ZBTB16: variants seen among roughly 807,000 people sequenced by gnomAD.
ZBTB16 encodes the protein zinc finger and BTB domain containing 16, also known as zinc finger and BTB domain-containing protein 16.
A neutral mutation model predicts 56.8 loss-of-function variants in ZBTB16; 8 were observed. The ratio of observed to expected loss-of-function variants is 0.14; its 90% CI spans 0.08 to 0.25. The LOEUF (loss-of-function observed/expected upper bound fraction) is 0.25, where lower values mean the gene tolerates loss of function less well. Ranked by LOEUF, ZBTB16 falls within the 10% of genes least tolerant of loss-of-function variation. The pLI, the probability that ZBTB16 is intolerant of heterozygous loss-of-function variation, is 1.00. For missense variants in ZBTB16, 625 were observed against 903.0 expected (o/e 0.69, Z 3.95); for synonymous variants, 363 against 368.5 (o/e 0.98, Z 0.17).
At chr11:114,173,415 G>A (rs988071590) in intron 3 of ZBTB16, among the ~76,000 whole-genome samples, 3 of 152,150 alleles carry the variant, frequency 2.0e-5, no homozygotes, top group African/African-American at 4.8e-5. Context: ...GTGTTGTGAC[G>A]GGTGGGTCAG....
At chr11:114,166,324 A>G (rs1163701213) in intron 3 of ZBTB16, among the ~76,000 whole-genome samples, 1 of 151,808 alleles carries the variant, frequency 6.6e-6, no homozygotes, top group East Asian at 1.9e-4. Flanking sequence ...TGGAGCTTGC[A>G]GACTCATCCA....
chr11:114,132,240 T>C (rs1426289679), intron 2 of ZBTB16, among the ~76,000 whole-genome samples: 1 of 152,078 alleles, frequency 6.6e-6, no homozygotes, highest in Admixed American at 6.5e-5. Context: ...TAGTTAGAGA[T>C]ACACCATTCA....
chr11:114,087,911 G>A (rs1385393972), intron 2 of ZBTB16, among the ~76,000 whole-genome samples: 1 of 152,110 alleles, frequency 6.6e-6, no homozygotes, highest in Non-Finnish European at 1.5e-5. Flanking sequence ...TCTAGCATAT[G>A]GCAACTCAGC....
intron 4 of ZBTB16, among the ~76,000 whole-genome samples, chr11:114,217,134 T>G (rs1293656276): frequency 6.6e-6 from 1 of 152,182 alleles, no homozygotes; most frequent in Non-Finnish European, 1.5e-5. Flanking sequence ...GTGGCCTGAG[T>G]AGCTCAGCTG....
chr11:114,085,324 G>A (rs894051025), intron 2 of ZBTB16, among the ~76,000 whole-genome samples: 5 of 152,258 alleles, frequency 3.3e-5, no homozygotes, highest in South Asian at 4.2e-4. Context: ...CCCATGGTTC[G>A]AGGAGGTCCC....
chr11:114,206,257 C>G (rs1340814057), intron 4 of ZBTB16, among the ~76,000 whole-genome samples: 1 of 152,154 alleles, frequency 6.6e-6, no homozygotes, highest in African/African-American at 2.4e-5. Context: ...CTGTAGACTC[C>G]TAGACTGCAG....
At chr11:114,153,133 C>T (rs879891908) in intron 2 of ZBTB16, among the ~76,000 whole-genome samples, 1 of 152,186 alleles carries the variant, frequency 6.6e-6, no homozygotes, top group Non-Finnish European at 1.5e-5. Flanking sequence ...ACCTCAAATG[C>T]ACTGAAATCC....
At chr11:114,177,287 T>C (rs1289312310) in intron 3 of ZBTB16, among the ~76,000 whole-genome samples, 1 of 152,208 alleles carries the variant, frequency 6.6e-6, no homozygotes, top group African/African-American at 2.4e-5. Context: ...GAGCTGTTGC[T>C]GTTGCCAGGC....
rs115083728 is a variant in ZBTB16, at chr11:114,124,202, T to C, written c.1269-32135T>C. On this transcript the variant is annotated intron_variant, in intron 2 of 6. Transcript: ENST00000335953. ...GTGATGCGAGGCCCTCATTGCGGGG[T>C]CAGGGTAACTTATGGAAGCAAACAG... is the stretch of plus-strand genomic sequence containing the variant. Among the ~76,000 whole-genome samples, 1,115 of 151,854 alleles carry C rather than the reference T, an allele frequency of 7.3e-3. 21 individuals carry two copies. The highest frequency in any genetic ancestry group is 0.024 in the African/African-American group (999 of 41,400).
At position 114,244,855 on chromosome 11, in the gene ZBTB16, C is replaced by A. The variant is rs188386733; in HGVS notation, c.1625-2343C>A. Among the ~76,000 whole-genome samples the A allele has an allele frequency of 1.2e-3, 181 of 152,272 alleles. 4 individuals carry two copies. In the East Asian group the frequency reaches 0.022, roughly 19 times the overall value. ...GCACAGGCAGCCGCCCCCTTCCCCC[C>A]CACCGCCGCCTTCACCCCCACCCGG... On this transcript the variant is annotated intron_variant, in intron 5 of 6. Coordinates refer to ENST00000335953, the MANE Select transcript of ZBTB16 (RefSeq NM_006006.6).
intron 3 of ZBTB16, among the ~76,000 whole-genome samples, chr11:114,177,044 AGGC>A (rs776864258): frequency 3.2e-3 from 486 of 152,272 alleles, no homozygotes; most frequent in Non-Finnish European, 4.9e-3. Flanking sequence ...CATACCCTGT[AGGC>A]TGTGGCCAGG....
intron 4 of ZBTB16, among the ~76,000 whole-genome samples, chr11:114,228,770 G>C (rs1304090619): frequency 6.6e-6 from 1 of 152,270 alleles, no homozygotes; most frequent in Non-Finnish European, 1.5e-5. Context: ...CCCCCTAGAA[G>C]TGTGCCTTCT....
chr11:114,209,596 A>G lies in ZBTB16; in HGVS notation c.1453+22558A>G, dbSNP rs556819813. 163 of 985,386 alleles carry G rather than the reference A, an allele frequency of 1.7e-4. 2 individuals carry two copies. In the South Asian group the frequency reaches 6.7e-3, roughly 40 times the overall value. 61.0% of individuals were successfully genotyped at this position (985,386 alleles called of 1,614,324 possible). On this transcript the variant is annotated intron_variant, in intron 4 of 6. Coordinates refer to ENST00000335953, the MANE Select transcript of ZBTB16 (RefSeq NM_006006.6). The stretch of plus-strand genomic sequence containing the variant: ...TTGGACAATCATTTCTTGCAAGGCA[A>G]CTGCCTCCCTGGGGGGCTCTCCTCT...
In ZBTB16 at chr11:114,064,641, C is replaced by T; in HGVS notation, c.1268+73C>T. The T allele has an allele frequency of 6.4e-7, 1 of 1,567,274 alleles. No individual in the cohort carries two copies. The highest frequency in any genetic ancestry group is 1.8e-5 in the Admixed American group (1 of 55,946). On this transcript the variant is annotated intron_variant, in intron 2 of 6. Transcript: ENST00000335953. The surrounding 1 kb of genome is among the most constrained non-coding windows in gnomAD (Gnocchi z 4.2). ...ACACCCCTCCTTCACACCCTGGCTGCTCCCAAGTTAGGGGCCTGGCTCCCC... is the reference window on the plus strand; with the variant it reads ...ACACCCCTCCTTCACACCCTGGCTGTTCCCAAGTTAGGGGCCTGGCTCCCC...
At chr11:114,149,239 G>T (rs1287287105) in intron 2 of ZBTB16, among the ~76,000 whole-genome samples, 2 of 152,076 alleles carry the variant, frequency 1.3e-5, no homozygotes, top group Non-Finnish European at 2.9e-5. Flanking sequence ...TTATTTAATG[G>T]ATATCTGCAG....
At chr11:114,232,400 G>A (rs1255403112) in intron 4 of ZBTB16, among the ~76,000 whole-genome samples, 1 of 152,186 alleles carries the variant, frequency 6.6e-6, no homozygotes, top group Non-Finnish European at 1.5e-5. Context: ...AACAAGCAGT[G>A]TAGAGAAACC....
chr11:114,126,196 C>T (rs1461802182), intron 2 of ZBTB16, among the ~76,000 whole-genome samples: 1 of 152,160 alleles, frequency 6.6e-6, no homozygotes, highest in Non-Finnish European at 1.5e-5. Context: ...TTCTTTTGCC[C>T]AGGCGTGGAT....
In ZBTB16 at chr11:114,249,219, G is replaced by A. The variant is rs569940972; in HGVS notation, c.1793-1107G>A. On this transcript the variant is annotated intron_variant, in intron 6 of 6. Transcript: ENST00000335953. ...CATGCCTATAATCCCAGGACTTTGG[G>A]AGGCCGAGGCAGGCAGATCACTTGA... 6.6e-5 allele frequency among the ~76,000 whole-genome samples: 10 copies of A among 152,100 alleles called. No homozygotes were observed. The East Asian group carries it at 1.9e-3, about 30-fold the overall frequency.
intron 3 of ZBTB16, among the ~76,000 whole-genome samples, chr11:114,165,967 C>A (rs1371283577): frequency 6.6e-6 from 1 of 152,164 alleles, no homozygotes; most frequent in Non-Finnish European, 1.5e-5. Context: ...ATGCTCTTCT[C>A]AGTGAGGTTG....
Sources: gnomAD v4.1 joint callset for allele counts (sites outside exome capture counted in the v4.1 genomes callset) on GRCh38, gnomAD v4.1.1 for gene constraint, Gnocchi (gnomAD v3.1) non-coding constraint, MANE v1.5 for transcripts, NCBI Gene and HGNC (gene_info 2026-07-23, HGNC 2026-07-21) for gene names.